SYNE1: variants seen among roughly 807,000 people sequenced by gnomAD.
SYNE1 encodes the protein spectrin repeat containing nuclear envelope protein 1, also known as nesprin-1.
A neutral mutation model predicts 1,111.0 loss-of-function variants in SYNE1; 616 were observed. The observed-to-expected ratio is 0.55, with a 90% CI of 0.52 to 0.59. SYNE1 has a LOEUF of 0.59. Among genes scored for constraint, SYNE1 ranks in the 20% least tolerant of loss-of-function variants. The pLI is 0.00. For synonymous variants in SYNE1, 3,855 were observed against 3,825.8 expected, an observed-to-expected ratio of 1.01 and a Z score of -0.28; for missense variants, 10,006 against 10,417.0, an observed-to-expected ratio of 0.96 and a Z score of 1.72.
intron 127 of SYNE1, among the ~76,000 whole-genome samples, chr6:152,193,936 C>T (rs1230027545): frequency 6.6e-6 from 1 of 151,398 alleles, no homozygotes; most frequent in Admixed American, 6.6e-5. Context: ...TGGCATGAAC[C>T]CAGGAGGCAG....
intron 3 of SYNE1, among the ~76,000 whole-genome samples, chr6:152,554,851 C>G (rs754865531): frequency 2.0e-5 from 3 of 152,184 alleles, no homozygotes; most frequent in Non-Finnish European, 4.4e-5. Context: ...TAGGCAGAAT[C>G]TGGGCCCCAA....
chr6:152,475,603 A>G (rs1169169550), intron 14 of SYNE1, among the ~76,000 whole-genome samples: 6 of 152,224 alleles, frequency 3.9e-5, no homozygotes, highest in Admixed American at 3.9e-4. Flanking sequence ...ACTAGAAGGT[A>G]CATTATTCCT....
intron 42 of SYNE1, among the ~76,000 whole-genome samples, chr6:152,412,254 T>C (rs1462562118): frequency 6.6e-6 from 1 of 151,596 alleles, no homozygotes; most frequent in Admixed American, 6.6e-5. Flanking sequence ...ACCCCATCTC[T>C]ACTAAAAATA....
chr6:152,485,815 C>T (rs997645106), intron 12 of SYNE1, among the ~76,000 whole-genome samples: 2 of 152,068 alleles, frequency 1.3e-5, no homozygotes, highest in Admixed American at 6.6e-5. Context: ...TGTAAATTCA[C>T]GTGAAGAACA....
intron 100 of SYNE1, among the ~76,000 whole-genome samples, chr6:152,262,403 T>C (rs1208165506): frequency 6.6e-6 from 1 of 152,214 alleles, no homozygotes; most frequent in Admixed American, 6.5e-5. Flanking sequence ...AAGGGATACT[T>C]AAAAATGCAT....
intron 36 of SYNE1, among the ~76,000 whole-genome samples, chr6:152,429,908 A>G (rs1182551396): frequency 6.6e-6 from 1 of 152,212 alleles, no homozygotes; most frequent in African/African-American, 2.4e-5. Context: ...CTCCTTTAAT[A>G]TACATCTTTA....
chr6:152,214,361 A>G (rs1424248416), intron 122 of SYNE1, among the ~76,000 whole-genome samples: 1 of 152,204 alleles, frequency 6.6e-6, no homozygotes, highest in East Asian at 1.9e-4. Context: ...ACGACTTTAC[A>G]ATTTGAATTT....
intron 95 of SYNE1, among the ~76,000 whole-genome samples, chr6:152,289,936 T>A (rs2153751564): frequency 6.6e-6 from 1 of 151,700 alleles, no homozygotes; most frequent in African/African-American, 2.4e-5. Flanking sequence ...TTTTTTTTTT[T>A]TTTTTTTTTA....
chr6:152,169,810 T>TA (rs1460959368), intron 130 of SYNE1, among the ~76,000 whole-genome samples: 12 of 150,232 alleles, frequency 8.0e-5, no homozygotes, highest in South Asian at 2.1e-4. Flanking sequence ...AAAAAAAAAA[T>TA]AAAAAATTAA....
At chr6:152,448,546 T>C (rs2098614947) in intron 28 of SYNE1, among the ~76,000 whole-genome samples, 1 of 152,086 alleles carries the variant, frequency 6.6e-6, no homozygotes, top group African/African-American at 2.4e-5. Context: ...TATAATTTAA[T>C]TGAAAAAGAA....
chr6:152,611,880 C>T (rs1166928219), intron 3 of SYNE1, among the ~76,000 whole-genome samples: 2 of 151,938 alleles, frequency 1.3e-5, no homozygotes, highest in Admixed American at 1.3e-4. Context: ...AACTGAACAA[C>T]CTGCTCCTGA....
rs755614290 is a variant in SYNE1 at position 152,202,000 on chromosome 6, T to TG, written c.23020-52dup. On this transcript the variant is annotated intron_variant, in intron 126 of 145. Transcript: ENST00000367255. ...CATAGATGTTTTTGATGTAGGAAACTGGGGGGGGAAAAGAAAAGAAACACT... is the reference window on the plus strand; with the variant it reads ...CATAGATGTTTTTGATGTAGGAAACTGGGGGGGGGAAAAGAAAAGAAACACT... 1.3e-3 allele frequency: 2,090 copies of TG among 1,590,782 alleles called. 6 individuals carry two copies. In the Middle Eastern group the frequency reaches 0.014, roughly 10 times the overall value.
chr6:152,542,135 C>T (rs1361343875), intron 3 of SYNE1, among the ~76,000 whole-genome samples: 1 of 152,082 alleles, frequency 6.6e-6, no homozygotes, highest in Non-Finnish European at 1.5e-5. Context: ...GGGATGATAC[C>T]CAAATCTCTG....
chr6:152,366,361 G>C (rs2097079053), intron 62 of SYNE1, among the ~76,000 whole-genome samples: 1 of 150,698 alleles, frequency 6.6e-6, no homozygotes, highest in African/African-American at 2.4e-5. Context: ...ACCAAAAACA[G>C]AACAAAAACT....
chr6:152,463,150 A>G (rs111648269), intron 19 of SYNE1, among the ~76,000 whole-genome samples: 3 of 152,222 alleles, frequency 2.0e-5, no homozygotes, highest in African/African-American at 7.2e-5. Flanking sequence ...ATAATCCTTA[A>G]TCAAACTAAT....
chr6:152,275,336 A>C (rs2093533330), intron 98 of SYNE1, among the ~76,000 whole-genome samples: 2 of 152,126 alleles, frequency 1.3e-5, no homozygotes, highest in Non-Finnish European at 2.9e-5. Context: ...TTATATTGAA[A>C]TCTTTGATCC....
chr6:152,145,295 C>T (rs1250907190), intron 137 of SYNE1: 13 of 645,122 alleles, frequency 2.0e-5, no homozygotes, highest in African/African-American at 5.5e-5. Flanking sequence ...TACTTTATTT[C>T]GCTCAATTAG....
chr6:152,370,597 C>A (rs567448143), intron 59 of SYNE1, among the ~76,000 whole-genome samples: 1 of 152,286 alleles, frequency 6.6e-6, no homozygotes, highest in South Asian at 2.1e-4. Context: ...ATGGTACTGT[C>A]TAACTTTAGC....
At chr6:152,300,966 A>G (rs190028310) in intron 92 of SYNE1, among the ~76,000 whole-genome samples, 185 bp from the exon 93 acceptor site, 2 of 152,382 alleles carry the variant, frequency 1.3e-5, no homozygotes, top group East Asian at 3.9e-4. Flanking sequence ...ATATGATGCT[A>G]GTAATCATTT....
Sources: allele counts gnomAD v4.1 joint callset (sites outside exome capture counted in the v4.1 genomes callset), GRCh38; gene constraint gnomAD v4.1.1; transcripts MANE v1.5; gene names NCBI Gene and HGNC (gene_info 2026-07-23, HGNC 2026-07-21).